Variants in EIF4G3 observed in about 807,000 individuals in gnomAD.
EIF4G3 encodes the protein eukaryotic translation initiation factor 4 gamma 3.
A neutral mutation model predicts 186.4 loss-of-function variants in EIF4G3; 34 were observed. The observed-to-expected ratio is 0.18, with a 90% CI of 0.14 to 0.24. The LOEUF (loss-of-function observed/expected upper bound fraction) is 0.24, where lower values mean the gene tolerates loss of function less well. EIF4G3 is among the 10% of genes least tolerant of loss of function. The pLI, the probability that EIF4G3 is intolerant of heterozygous loss-of-function variation, is 1.00. For synonymous variants in EIF4G3, 673 were observed against 679.5 expected (o/e 0.99, Z 0.15); for missense variants, 1,536 against 1,948.5 (o/e 0.79, Z 3.99).
intron 12 of EIF4G3, among the ~76,000 whole-genome samples, chr1:20,963,262 G>A (rs559506276): frequency 3.3e-5 from 5 of 151,496 alleles, no homozygotes; most frequent in Non-Finnish European, 5.9e-5. Flanking sequence ...GATAATTTTA[G>A]GCAATATGTC....
chr1:20,943,333 T>C (rs924156125), intron 13 of EIF4G3, among the ~76,000 whole-genome samples: 17 of 152,086 alleles, frequency 1.1e-4, no homozygotes, highest in African/African-American at 3.6e-4. Flanking sequence ...TATACAAAAA[T>C]GCATCTGTGT....
intron 2 of EIF4G3, among the ~76,000 whole-genome samples, chr1:21,155,084 G>A (rs1455412107): frequency 1.4e-4 from 21 of 151,770 alleles, no homozygotes; most frequent in Admixed American, 1.4e-3. Context: ...CCAACATAGA[G>A]AAACCCCATC....
chr1:20,901,169 C>T (rs1244399708), intron 15 of EIF4G3, among the ~76,000 whole-genome samples: 1 of 152,026 alleles, frequency 6.6e-6, no homozygotes. Flanking sequence ...AAAAGACAGA[C>T]AGACATAATA....
intron 8 of EIF4G3, among the ~76,000 whole-genome samples, chr1:20,981,484 G>T (rs1245127938): frequency 7.1e-6 from 1 of 140,102 alleles, no homozygotes; most frequent in Non-Finnish European, 1.6e-5. Context: ...ATGTATATAT[G>T]CATACATACA....
chr1:20,857,368 G>A (rs2075278007), intron 25 of EIF4G3, 35 bp downstream of exon 25: 2 of 1,513,308 alleles, frequency 1.3e-6, no homozygotes, highest in Middle Eastern at 1.7e-4. Context: ...GGCATCAAAG[G>A]AGAGCGTAAA....
At chr1:20,827,809 C>G in intron 31 of EIF4G3, 111 bp from the exon 32 acceptor site, 1 of 589,296 alleles carries the variant, frequency 1.7e-6, no homozygotes, top group East Asian at 3.0e-5. Flanking sequence ...CTACATAATA[C>G]TGGGCAAGCC....
rs145504996 is a variant in EIF4G3, at chr1:20,857,326, T to TTG, written c.3339+75_3339+76dup. ...AGACACGTTTTGCAACTATTGTAAA[T>TTG]TGTGTGTGTGTGTGTGTGTTTTAAT... is the stretch of plus-strand genomic sequence containing the variant. On this transcript the variant is annotated intron_variant, in intron 25 of 36. Transcript: ENST00000602326. 3.9e-3 allele frequency: 4,319 copies of TTG among 1,105,588 alleles called. 18 individuals are homozygous for TTG. Among genetic ancestry groups the TTG allele is most frequent in the East Asian group, 4.4e-3 (180 of 41,124 alleles). The allele number at this position is 1,105,588 out of a possible 1,614,324, so 68.5% of individuals were successfully genotyped here. A position where few individuals can be genotyped will look rare whatever the true frequency, so the allele number is the denominator to read the frequency against.
intron 36 of EIF4G3, among the ~76,000 whole-genome samples, chr1:20,809,551 T>C (rs1557711882): frequency 6.6e-6 from 1 of 152,254 alleles, no homozygotes; most frequent in East Asian, 1.9e-4. Context: ...ACAGGTTACT[T>C]TGTTTCATTA....
chr1:20,875,323 G>A (rs763865379), intron 20 of EIF4G3, among the ~76,000 whole-genome samples: 2 of 152,110 alleles, frequency 1.3e-5, no homozygotes, highest in Non-Finnish European at 2.9e-5. Context: ...ATTGAAAAGG[G>A]TCTAAGGTGT....
At position 20,895,394 on chromosome 1, in the gene EIF4G3, G is replaced by A. The variant is rs749099327; in HGVS notation, c.2107C>T (p.Pro703Ser). The change falls in exon 17 of 37, where the codon CCT becomes TCT. Residue 703 changes from proline to serine, a missense_variant. By Grantham distance (74) the Pro-to-Ser change is moderately conservative. Coordinates refer to ENST00000602326, the MANE Select transcript of EIF4G3 (RefSeq NM_001391906.1). The part of the protein sequence containing the change: ...ACIQKPEGLP[P>S]ISDVVLDKIN... ...TTGTCAAGAACCACATCACTGATAG[G>A]AGGCAGGCCCTCTGGTTTTTGTATA... The A allele has an allele frequency of 1.8e-5, 29 of 1,613,768 alleles. No individual in the cohort carries two copies. Among genetic ancestry groups the A allele is most frequent in the Non-Finnish European group, 2.4e-5 (28 of 1,179,862 alleles).
At chr1:20,816,976 G>T (rs867719784) in intron 34 of EIF4G3, among the ~76,000 whole-genome samples, 2 of 145,596 alleles carry the variant, frequency 1.4e-5, no homozygotes, top group Non-Finnish European at 3.0e-5. Flanking sequence ...CACGTGCTGT[G>T]TCCACTCAGG....
intron 34 of EIF4G3, 47 bp downstream of exon 34, chr1:20,817,345 G>T: frequency 7.4e-7 from 1 of 1,343,588 alleles, no homozygotes; most frequent in South Asian, 2.2e-5. Flanking sequence ...GATCCCACAA[G>T]AATCTTTCCT....
At chr1:20,818,906 A>C (rs905548532) in intron 33 of EIF4G3, among the ~76,000 whole-genome samples, 1 of 152,132 alleles carries the variant, frequency 6.6e-6, no homozygotes, top group Non-Finnish European at 1.5e-5. Flanking sequence ...CTTACGTAGC[A>C]TCTCTAAATT....
intron 4 of EIF4G3, among the ~76,000 whole-genome samples, chr1:21,045,715 T>A (rs2093843475): frequency 2.6e-5 from 4 of 152,088 alleles, no homozygotes; most frequent in Non-Finnish European, 5.9e-5. Context: ...CAAATGTGCA[T>A]CACCAATTAA....
At chr1:20,877,475 A>T (rs1456419039) in intron 20 of EIF4G3, among the ~76,000 whole-genome samples, 1 of 152,230 alleles carries the variant, frequency 6.6e-6, no homozygotes, top group Admixed American at 6.5e-5. Flanking sequence ...ACCATTCAGG[A>T]TTAGAATAAC....
chr1:20,973,624 A>G (rs747142989), intron 10 of EIF4G3, among the ~76,000 whole-genome samples: 1 of 152,188 alleles, frequency 6.6e-6, no homozygotes, highest in Non-Finnish European at 1.5e-5. Context: ...GGGTGGAAAA[A>G]AGGCTCAGAA....
At chr1:20,897,641 A>T (rs186311290) in intron 16 of EIF4G3, among the ~76,000 whole-genome samples, 63 of 152,244 alleles carry the variant, frequency 4.1e-4, no homozygotes, top group African/African-American at 1.4e-3. Context: ...TGTAGGTTAT[A>T]GACCCGCTGA....
intron 2 of EIF4G3, among the ~76,000 whole-genome samples, chr1:21,114,859 A>C (rs1485975131): frequency 6.6e-6 from 1 of 152,188 alleles, no homozygotes; most frequent in Non-Finnish European, 1.5e-5. Context: ...ATTTGTGCTA[A>C]GGTGCCAGCA....
intron 20 of EIF4G3, among the ~76,000 whole-genome samples, chr1:20,870,180 C>A (rs2078805359): frequency 6.6e-6 from 1 of 151,994 alleles, no homozygotes; most frequent in Non-Finnish European, 1.5e-5. Flanking sequence ...GTCATGTCTG[C>A]AATTCCGGGC....
Sources: allele counts gnomAD v4.1 joint callset (sites outside exome capture counted in the v4.1 genomes callset), GRCh38; gene constraint gnomAD v4.1.1; transcripts MANE v1.5; gene names NCBI Gene and HGNC (gene_info 2026-07-23, HGNC 2026-07-21).